PGGT1B: variants seen among roughly 807,000 people sequenced by gnomAD.
The protein encoded by PGGT1B is geranylgeranyl transferase type-1 subunit beta.
PGGT1B carries 30 observed loss-of-function variants against 46.1 expected under a neutral mutation model. That is an observed-to-expected ratio of 0.65 (90% CI 0.49 to 0.88). The LOEUF (loss-of-function observed/expected upper bound fraction) is 0.88. PGGT1B is among the 40% of genes least tolerant of loss of function. PGGT1B has a pLI of 0.00. For synonymous variants in PGGT1B, 170 were observed against 160.0 expected, an observed-to-expected ratio of 1.06 and a Z score of -0.47; for missense variants, 376 against 455.9, an observed-to-expected ratio of 0.82 and a Z score of 1.60.
chr5:115,212,681 A>C, intron 8 of PGGT1B, 98 bp from the exon 9 acceptor site: 2 of 779,198 alleles, frequency 2.6e-6, no homozygotes, highest in Non-Finnish European at 4.0e-6. Flanking sequence ...CACTCCATTA[A>C]AAGTAAGTTT....
At chr5:115,237,532 T>C (rs1197033981) in intron 4 of PGGT1B, among the ~76,000 whole-genome samples, 3 of 152,224 alleles carry the variant, frequency 2.0e-5, no homozygotes, top group Admixed American at 1.3e-4. Context: ...CCAGACTAAA[T>C]GTATGCGTAC....
intron 8 of PGGT1B, among the ~76,000 whole-genome samples, chr5:115,215,261 G>C (rs995410817): frequency 6.6e-6 from 1 of 151,742 alleles, no homozygotes; most frequent in African/African-American, 2.4e-5. Flanking sequence ...GCCTCCCAAA[G>C]CTGGGATTAC....
chr5:115,232,911 A>G (rs949486391), intron 5 of PGGT1B, among the ~76,000 whole-genome samples: 1 of 152,034 alleles, frequency 6.6e-6, no homozygotes, highest in African/African-American at 2.4e-5. Context: ...GGAAAGCTCA[A>G]AAAAGCAAAA....
intron 2 of PGGT1B, among the ~76,000 whole-genome samples, chr5:115,250,536 T>A (rs536409081): frequency 1.3e-3 from 202 of 152,116 alleles, no homozygotes; most frequent in African/African-American, 4.7e-3. Flanking sequence ...AAGAAAAAAA[T>A]TGGCAGTGGG....
intron 2 of PGGT1B, among the ~76,000 whole-genome samples, chr5:115,250,257 A>C (rs923770861): frequency 6.6e-6 from 1 of 152,240 alleles, no homozygotes; most frequent in Non-Finnish European, 1.5e-5. Flanking sequence ...AGTTGCAGAA[A>C]GCATATTCTA....
intron 1 of PGGT1B, among the ~76,000 whole-genome samples, chr5:115,257,479 G>A (rs752842709): frequency 3.0e-5 from 4 of 133,756 alleles, no homozygotes; most frequent in East Asian, 2.2e-4. Flanking sequence ...GCAGTGAGCC[G>A]AGATCGTGCC....
At chr5:115,234,895 T>A (rs1215261002) in intron 5 of PGGT1B, among the ~76,000 whole-genome samples, 1 of 152,072 alleles carries the variant, frequency 6.6e-6, no homozygotes, top group African/African-American at 2.4e-5. Flanking sequence ...AGGGGATGCC[T>A]ATGTACACAT....
intron 1 of PGGT1B, among the ~76,000 whole-genome samples, chr5:115,254,255 T>G (rs1031689923): frequency 6.6e-6 from 1 of 152,068 alleles, no homozygotes; most frequent in Non-Finnish European, 1.5e-5. Flanking sequence ...ATCCCTTATC[T>G]GAAATGCTTG....
intron 2 of PGGT1B, among the ~76,000 whole-genome samples, chr5:115,251,794 G>T (rs905536964): frequency 2.0e-5 from 3 of 151,746 alleles, no homozygotes; most frequent in African/African-American, 7.3e-5. Flanking sequence ...TACCATGTAA[G>T]ATACATTTCT....
intron 1 of PGGT1B, among the ~76,000 whole-genome samples, chr5:115,257,525 C>T (rs1291494884): frequency 1.7e-5 from 1 of 60,274 alleles, no homozygotes; most frequent in African/African-American, 7.2e-5. Context: ...AGCAAAACTC[C>T]ATCTCAAAAA....
intron 5 of PGGT1B, among the ~76,000 whole-genome samples, chr5:115,232,492 T>C (rs1400320996): frequency 6.6e-6 from 1 of 152,102 alleles, no homozygotes; most frequent in Non-Finnish European, 1.5e-5. Flanking sequence ...TCACAATATT[T>C]CTAATGTTTT....
chr5:115,212,625 C>T (rs1756270392), intron 8 of PGGT1B, 42 bp from the exon 9 acceptor site: 1 of 1,321,016 alleles, frequency 7.6e-7, no homozygotes. Context: ...GGCATTCTTA[C>T]TTGTACATTC....
chr5:115,259,652 G>A (rs369146016), intron 1 of PGGT1B, among the ~76,000 whole-genome samples: 21 of 130,470 alleles, frequency 1.6e-4, no homozygotes, highest in Admixed American at 1.2e-3. Context: ...TGGTGCCACC[G>A]CACTCCAGCC....
intron 2 of PGGT1B, among the ~76,000 whole-genome samples, chr5:115,246,064 C>T (rs1409476536): frequency 6.6e-6 from 1 of 151,940 alleles, no homozygotes; most frequent in Non-Finnish European, 1.5e-5. Context: ...AATTTTTCAC[C>T]ACTTAGGCCG....
chr5:115,234,102 AACTATAAG>A (rs1487956549), intron 5 of PGGT1B, among the ~76,000 whole-genome samples: 2 of 152,032 alleles, frequency 1.3e-5, no homozygotes, highest in East Asian at 3.9e-4. Context: ...TATAATAGGA[AACTATAAG>A]AAAAAGAGAA....
chr5:115,246,520 C>G (rs140251895), intron 2 of PGGT1B, among the ~76,000 whole-genome samples: 7 of 152,124 alleles, frequency 4.6e-5, no homozygotes, highest in Admixed American at 1.3e-4. Flanking sequence ...GTAAATTTAT[C>G]GCTGAATGCA....
intron 7 of PGGT1B, among the ~76,000 whole-genome samples, chr5:115,218,143 G>T (rs1179754735): frequency 6.6e-6 from 1 of 151,748 alleles, no homozygotes; most frequent in Non-Finnish European, 1.5e-5. Flanking sequence ...CAATTTGTTG[G>T]AAAAGTGAGA....
At chr5:115,241,114 A>T (rs950815235) in intron 3 of PGGT1B, among the ~76,000 whole-genome samples, 20 of 152,162 alleles carry the variant, frequency 1.3e-4, no homozygotes, top group African/African-American at 2.9e-4. Flanking sequence ...TTTTTCTTTT[A>T]TTCCTAAGAA....
rs1580735825 is a variant in PGGT1B, at chr5:115,207,597, A to C, written c.*4805T>G. On this transcript the variant is annotated 3_prime_UTR_variant, in exon 9 of 9. Coordinates refer to ENST00000419445, the MANE Select transcript of PGGT1B (RefSeq NM_005023.4). ...TCACCGAAATGGAATCAAAGTATGC[A>C]CTTGTGTCTGGTGAAGCCTACTGAT... 6.6e-6 allele frequency: 1 copy of C among 152,034 alleles called. No homozygotes were observed. Among genetic ancestry groups the C allele is most frequent in the Non-Finnish European group, 1.5e-5 (1 of 67,924 alleles). The allele number at this position is 152,034 out of a possible 1,614,324, so 9.4% of individuals were successfully genotyped here.
Sources: gnomAD v4.1 joint callset for allele counts (sites outside exome capture counted in the v4.1 genomes callset) on GRCh38, gnomAD v4.1.1 for gene constraint, MANE v1.5 for transcripts, NCBI Gene and HGNC (gene_info 2026-07-23, HGNC 2026-07-21) for gene names.